The following NFIB variants were observed in gnomAD, a reference collection of about 807,000 sequenced individuals.
NFIB encodes nuclear factor 1 B-type.
NFIB carries 11 observed loss-of-function variants against 61.5 expected under a neutral mutation model. The observed-to-expected ratio is 0.18, with a 90% CI of 0.11 to 0.30. The LOEUF (loss-of-function observed/expected upper bound fraction) is 0.30. NFIB is among the 10% of genes least tolerant of loss of function. The pLI, the probability that NFIB is intolerant of heterozygous loss-of-function variation, is 1.00. For synonymous variants in NFIB, 260 were observed against 216.5 expected, an observed-to-expected ratio of 1.20 and a Z score of -1.76; for missense variants, 471 against 608.9, an observed-to-expected ratio of 0.77 and a Z score of 2.38.
chr9:14,472,447 T>C, the NFIB span, among the ~76,000 whole-genome samples: 1 of 152,326 alleles, frequency 6.6e-6, no homozygotes, highest in Admixed American at 6.5e-5. Flanking sequence ...TGATTTTATG[T>C]CTGTTGAATC....
At position 14,230,698 on chromosome 9, in the gene NFIB, A is replaced by C. The variant is rs185089039; in HGVS notation, c.563-50918T>G. 1.6e-3 allele frequency among the ~76,000 whole-genome samples: 244 copies of C among 152,342 alleles called. 1 individual carries two copies. The highest frequency in any genetic ancestry group is 5.7e-3 in the African/African-American group (236 of 41,584). On this transcript the variant is annotated intron_variant, in intron 2 of 10. Coordinates refer to ENST00000380953, the MANE Select transcript of NFIB (RefSeq NM_001190737.2). ...TAGAAGTGAAGGCATTTAGGTAGAAAAAAGTAGCACTTTTTGACAAATTTA... is the reference window on the plus strand; with the variant it reads ...TAGAAGTGAAGGCATTTAGGTAGAACAAAGTAGCACTTTTTGACAAATTTA...
chr9:14,231,131 A>ATAT (rs1252546393), intron 2 of NFIB, among the ~76,000 whole-genome samples: 95 of 75,396 alleles, frequency 1.3e-3, no homozygotes, highest in African/African-American at 3.9e-3. Flanking sequence ...AAAAAAAAAA[A>ATAT]AAAAATATAT....
intron 3 of NFIB, among the ~76,000 whole-genome samples, chr9:14,164,045 C>T (rs901935798): frequency 7.3e-5 from 11 of 151,422 alleles, no homozygotes; most frequent in African/African-American, 2.4e-4. Context: ...AAAGAAAGAA[C>T]AGCATCACAA....
chr9:14,159,882 T>C (rs542934243), intron 3 of NFIB, among the ~76,000 whole-genome samples: 4 of 152,342 alleles, frequency 2.6e-5, no homozygotes, highest in Admixed American at 2.6e-4. Flanking sequence ...GAACATGTTT[T>C]TCACATTTCA....
chr9:14,427,937 G>GTTTTTTTTTTTTTTTTTTGTTTTT, the NFIB span, among the ~76,000 whole-genome samples: 1 of 43,384 alleles, frequency 2.3e-5, no homozygotes, highest in Non-Finnish European at 4.4e-5. Flanking sequence ...TAATTCAGTT[G>GTTTTTTTTTTTTTTTTTTGTTTTT]TTTTTTTTTT....
Position 14,120,323 on chromosome 9 carries a change from A to C in NFIB, c.1245+117T>G. On this transcript the variant is annotated intron_variant, in intron 8 of 10. Transcript: ENST00000380953. The surrounding 1 kb of genome is among the most constrained non-coding windows in gnomAD (Gnocchi z 4.4). ...TGAGTCACCAAGCAACTTCCTGAAG[A>C]TGGATTTCAAGGCTTGACGTTCTGC... 1 of 1,120,794 alleles carries C rather than the reference A, an allele frequency of 8.9e-7. No homozygotes were observed. Among genetic ancestry groups the C allele is most frequent in the Admixed American group, 1.9e-5 (1 of 52,366 alleles). The allele number at this position is 1,120,794 out of a possible 1,614,324, so 69.4% of individuals were successfully genotyped here. A position where few individuals can be genotyped will look rare whatever the true frequency, so the allele number is the denominator to read the frequency against.
chr9:14,425,038 C>A, the NFIB span, among the ~76,000 whole-genome samples: 2 of 152,176 alleles, frequency 1.3e-5, no homozygotes, highest in Non-Finnish European at 2.9e-5. Context: ...TGGAAGTACT[C>A]AAGTGCCCAA....
At chr9:14,343,813 G>A (rs1264765845) in intron 1 of NFIB, among the ~76,000 whole-genome samples, 1 of 134,318 alleles carries the variant, frequency 7.4e-6, no homozygotes, top group African/African-American at 3.4e-5. Flanking sequence ...AGAAAGGGCT[G>A]CTTGGGGACA....
chr9:14,332,244 A>C lies in NFIB; in HGVS notation c.109-24724T>G, dbSNP rs574845906. On this transcript the variant is annotated intron_variant, in intron 1 of 8. Coordinates refer to the NFIB transcript ENST00000380934. Reference sequence around the variant, plus strand: ...GCTATTCGGGAGGCTGAGGCAGGAGAATCGCTTGAACCTGGGAGGCAGAGG... The same window carrying C: ...GCTATTCGGGAGGCTGAGGCAGGAGCATCGCTTGAACCTGGGAGGCAGAGG... Among the ~76,000 whole-genome samples, 241 of 151,508 alleles carry C rather than the reference A, an allele frequency of 1.6e-3. 1 individual carries two copies. Among genetic ancestry groups the C allele is most frequent in the Non-Finnish European group, 2.3e-3 (154 of 67,860 alleles).
chr9:14,416,301 G>C, the NFIB span, among the ~76,000 whole-genome samples: 3 of 152,068 alleles, frequency 2.0e-5, no homozygotes, highest in African/African-American at 7.2e-5. Flanking sequence ...TTTTTAAAAA[G>C]TTAACTGTAA....
intron 8 of NFIB, among the ~76,000 whole-genome samples, chr9:14,119,299 C>G (rs2038611974): frequency 6.6e-6 from 1 of 152,146 alleles, no homozygotes; most frequent in Admixed American, 6.5e-5. Context: ...AACATTTTAA[C>G]ATTTTCTTCT....
the NFIB span, among the ~76,000 whole-genome samples, chr9:14,463,807 C>T: frequency 1.3e-4 from 19 of 151,996 alleles, no homozygotes; most frequent in African/African-American, 4.6e-4. Flanking sequence ...ACTACAGGCG[C>T]CCGCCACCAA....
rs1563836788 is a variant in NFIB at position 14,150,083 on chromosome 9, T to C, written c.806+62A>G. ...ACCTACCTACCTATCTATCTGCCTA[T>C]CATCCACCTACGAACCTATGTGTGT... On this transcript the variant is annotated intron_variant, in intron 5 of 10. Coordinates refer to ENST00000380953, the MANE Select transcript of NFIB (RefSeq NM_001190737.2). 19 of 1,602,184 alleles carry C rather than the reference T, an allele frequency of 1.2e-5. No individual in the cohort carries two copies. In the South Asian group the frequency reaches 2.0e-4, roughly 17 times the overall value.
At chr9:14,332,252 G>C (rs1265579044) in intron 1 of NFIB, among the ~76,000 whole-genome samples, 1 of 145,338 alleles carries the variant, frequency 6.9e-6, no homozygotes, top group Non-Finnish European at 1.5e-5. Flanking sequence ...AGAATCGCTT[G>C]AACCTGGGAG....
At chr9:14,314,264 G>A (rs992281594), upstream of NFIB, 62 of 604,246 alleles carry the variant, frequency 1.0e-4, no homozygotes, top group Non-Finnish European at 9.0e-5. Flanking sequence ...GAAGAGGCTC[G>A]CGGCGCGTGG....
chr9:14,221,643 T>C (rs1024007176), intron 2 of NFIB, among the ~76,000 whole-genome samples: 9 of 152,306 alleles, frequency 5.9e-5, no homozygotes, highest in African/African-American at 1.9e-4. Context: ...GTAATGCTCA[T>C]GTCCTCTCCA....
chr9:14,328,614 T>G (rs1160815572), intron 1 of NFIB, among the ~76,000 whole-genome samples: 1 of 152,050 alleles, frequency 6.6e-6, no homozygotes, highest in Non-Finnish European at 1.5e-5. Flanking sequence ...ATATATCTGG[T>G]ATCTGCTTAT....
chr9:14,197,182 C>T (rs6474824), intron 2 of NFIB, among the ~76,000 whole-genome samples: 133,659 of 152,256 alleles, frequency 0.88, 58,905 homozygotes, highest in South Asian at 0.93. Flanking sequence ...CAGAGCTTGA[C>T]AACTTGCAGA....
intron 1 of NFIB, among the ~76,000 whole-genome samples, chr9:14,360,712 T>G (rs943947236): frequency 6.6e-6 from 1 of 151,924 alleles, no homozygotes; most frequent in Non-Finnish European, 1.5e-5. Context: ...GCCCGGCTAA[T>G]TTTTTGTATT....
Sources: gnomAD v4.1 joint callset for allele counts (sites outside exome capture counted in the v4.1 genomes callset) on GRCh38, gnomAD v4.1.1 for gene constraint, Gnocchi (gnomAD v3.1) non-coding constraint, MANE v1.5 for transcripts, NCBI Gene and HGNC (gene_info 2026-07-23, HGNC 2026-07-21) for gene names.